The following PKIA variants were observed in gnomAD, a reference collection of about 807,000 sequenced individuals.
The protein encoded by PKIA is cAMP-dependent protein kinase inhibitor alpha.
A neutral mutation model predicts 7.6 loss-of-function variants in PKIA; 4 were observed. That is an observed-to-expected ratio of 0.52 (90% CI 0.26 to 1.20). The LOEUF is 1.20. Among genes scored for constraint, PKIA ranks in the 50% most tolerant of loss-of-function variants. PKIA has a pLI of 0.13. For missense variants in PKIA, 73 were observed against 86.2 expected, an observed-to-expected ratio of 0.85 and a Z score of 0.61; for synonymous variants, 21 against 30.7, an observed-to-expected ratio of 0.68 and a Z score of 1.04.
intron 1 of PKIA, among the ~76,000 whole-genome samples, chr8:78,521,278 C>G (rs925781192): frequency 4.6e-5 from 7 of 151,968 alleles, no homozygotes; most frequent in African/African-American, 7.2e-5. Context: ...TATGGTAATG[C>G]CATCTTCAGT....
intron 1 of PKIA, among the ~76,000 whole-genome samples, chr8:78,533,452 T>G (rs1806442541): frequency 6.6e-6 from 1 of 152,158 alleles, no homozygotes; most frequent in Non-Finnish European, 1.5e-5. Flanking sequence ...TGTACCTTAT[T>G]TCAGGCATTT....
intron 1 of PKIA, among the ~76,000 whole-genome samples, chr8:78,519,725 A>C (rs1174140143): frequency 6.6e-6 from 1 of 152,214 alleles, no homozygotes; most frequent in African/African-American, 2.4e-5. Flanking sequence ...AGGCACTGTG[A>C]TATCTCTTAA....
intron 1 of PKIA, chr8:78,534,804 C>T (rs1433588681): frequency 2.6e-5 from 4 of 152,124 alleles, no homozygotes; most frequent in Non-Finnish European, 4.4e-5. Flanking sequence ...TCAAGGAAAG[C>T]ATAGACTATT....
At chr8:78,529,878 C>A (rs186488925) in intron 1 of PKIA, among the ~76,000 whole-genome samples, 9 of 125,308 alleles carry the variant, frequency 7.2e-5, no homozygotes, top group African/African-American at 3.5e-4. Flanking sequence ...AGCAGAGAGT[C>A]AGTGAGATCA....
At chr8:78,517,123 C>T (rs578211568) in intron 1 of PKIA, among the ~76,000 whole-genome samples, 3 of 152,332 alleles carry the variant, frequency 2.0e-5, no homozygotes, top group Non-Finnish European at 1.5e-5. Flanking sequence ...CAGACCAACT[C>T]TCGTCAGCTC....
intron 1 of PKIA, among the ~76,000 whole-genome samples, chr8:78,527,367 A>T (rs1172844303): frequency 6.6e-6 from 1 of 152,016 alleles, no homozygotes; most frequent in African/African-American, 2.4e-5. Flanking sequence ...TATATTATAA[A>T]CTATAATTAT....
intron 1 of PKIA, among the ~76,000 whole-genome samples, chr8:78,571,205 C>T (rs1807539351): frequency 6.6e-6 from 1 of 150,792 alleles, no homozygotes; most frequent in Non-Finnish European, 1.5e-5. Flanking sequence ...GGAGATTAGA[C>T]ACTTAGGACC....
At chr8:78,570,379 C>T (rs1045396296) in intron 1 of PKIA, among the ~76,000 whole-genome samples, 1 of 152,136 alleles carries the variant, frequency 6.6e-6, no homozygotes, top group African/African-American at 2.4e-5. Flanking sequence ...GAAGTATTGG[C>T]ATAACATTCT....
At chr8:78,519,994 C>T (rs1809386014) in intron 1 of PKIA, among the ~76,000 whole-genome samples, 2 of 152,104 alleles carry the variant, frequency 1.3e-5, no homozygotes, top group Admixed American at 6.6e-5. Context: ...TTGGGTTATC[C>T]TTTCATGTGA....
At chr8:78,570,197 A>C (rs763975330) in intron 1 of PKIA, among the ~76,000 whole-genome samples, 2 of 152,174 alleles carry the variant, frequency 1.3e-5, no homozygotes, top group Non-Finnish European at 2.9e-5. Context: ...AGCAAAACTC[A>C]AATAGGGTAG....
At chr8:78,523,290 G>T (rs112782646) in intron 1 of PKIA, among the ~76,000 whole-genome samples, 11 of 151,828 alleles carry the variant, frequency 7.2e-5, no homozygotes, top group African/African-American at 2.4e-4. Context: ...TGATTGGGGT[G>T]GGGGGAATTA....
At chr8:78,558,179 T>C (rs1426886033) in intron 1 of PKIA, among the ~76,000 whole-genome samples, 1 of 152,190 alleles carries the variant, frequency 6.6e-6, no homozygotes, top group Admixed American at 6.5e-5. Flanking sequence ...TAATTATTTA[T>C]AATCTTTGCA....
intron 1 of PKIA, among the ~76,000 whole-genome samples, chr8:78,571,768 A>T (rs1807555014): frequency 6.6e-6 from 1 of 152,070 alleles, no homozygotes; most frequent in Admixed American, 6.6e-5. Context: ...CTTCTGAGGG[A>T]AATCAGTCTA....
chr8:78,590,095 A>C lies in PKIA; in HGVS notation c.-27-8263A>C, dbSNP rs141440795. 4.2e-3 allele frequency among the ~76,000 whole-genome samples: 641 copies of C among 152,322 alleles called. 2 individuals are homozygous for C. Among genetic ancestry groups the C allele is most frequent in the African/African-American group, 0.015 (605 of 41,580 alleles). On this transcript the variant is annotated intron_variant, in intron 2 of 3. Coordinates refer to ENST00000396418, the MANE Select transcript of PKIA (RefSeq NM_006823.4). ...AAAAAATCTGAACTTTCAAACAAAA[A>C]TTATAATTTCAGAAAACCTATTATC... is the stretch of plus-strand genomic sequence containing the variant.
chr8:78,570,153 G>T (rs1421839054), intron 1 of PKIA, among the ~76,000 whole-genome samples: 1 of 152,028 alleles, frequency 6.6e-6, no homozygotes, highest in Non-Finnish European at 1.5e-5. Context: ...CCCCAAAATG[G>T]CAAAAGACAT....
At chr8:78,528,790 C>A (rs755370310) in intron 1 of PKIA, among the ~76,000 whole-genome samples, 41 of 151,628 alleles carry the variant, frequency 2.7e-4, no homozygotes, top group Non-Finnish European at 5.6e-4. Flanking sequence ...TGTAGCGAGA[C>A]CTCGTCTATA....
chr8:78,565,385 T>C (rs956140473), intron 1 of PKIA, among the ~76,000 whole-genome samples: 4 of 152,026 alleles, frequency 2.6e-5, no homozygotes, highest in African/African-American at 9.6e-5. Flanking sequence ...GCCATGCTGA[T>C]ATGAACACAT....
chr8:78,572,967 A>G (rs181534204), intron 2 of PKIA, 28 bp downstream of exon 2: 2 of 152,136 alleles, frequency 1.3e-5, no homozygotes, highest in African/African-American at 2.4e-5. Flanking sequence ...CAAACATTTA[A>G]TTACCTTAAA....
intron 1 of PKIA, among the ~76,000 whole-genome samples, chr8:78,531,226 A>C (rs967008084): frequency 6.6e-6 from 1 of 151,964 alleles, no homozygotes; most frequent in African/African-American, 2.4e-5. Flanking sequence ...TTTATGTTCT[A>C]CCCTTTCTTA....
Sources: gnomAD v4.1 joint callset for allele counts (sites outside exome capture counted in the v4.1 genomes callset) on GRCh38, gnomAD v4.1.1 for gene constraint, MANE v1.5 for transcripts, NCBI Gene and HGNC (gene_info 2026-07-23, HGNC 2026-07-21) for gene names.